The following ADAM22 variants were observed in gnomAD, a reference collection of about 807,000 sequenced individuals.
ADAM22 encodes the protein disintegrin and metalloproteinase domain-containing protein 22.
A neutral mutation model predicts 144.6 loss-of-function variants in ADAM22; 65 were observed. The observed-to-expected ratio is 0.45, with a 90% CI of 0.37 to 0.55. The LOEUF (loss-of-function observed/expected upper bound fraction) is 0.55, where lower values mean the gene tolerates loss of function less well. ADAM22 is among the 20% of genes least tolerant of loss of function. The probability of loss-of-function intolerance (pLI) is 0.00; values close to 1 mark genes in which losing one functional copy is unlikely to be tolerated. For missense variants in ADAM22, 974 were observed against 1,184.9 expected (o/e 0.82, Z 2.61); for synonymous variants, 391 against 412.6 (o/e 0.95, Z 0.63).
intron 2 of ADAM22, among the ~76,000 whole-genome samples, chr7:87,958,391 T>TA (rs1223727394): frequency 1.3e-5 from 2 of 151,982 alleles, no homozygotes; most frequent in Admixed American, 1.3e-4. Context: ...TTTTATTTTT[T>TA]ATTTTTTTTT....
At chr7:88,053,632 GAA>G (rs10542532) in intron 3 of ADAM22, among the ~76,000 whole-genome samples, 31,944 of 111,468 alleles carry the variant, frequency 0.29, 4,688 homozygotes, top group South Asian at 0.45. Context: ...AAGAAAGAAA[GAA>G]AGAAAGAAAG....
chr7:88,146,495 T>C (rs1836477786), intron 17 of ADAM22, among the ~76,000 whole-genome samples: 1 of 152,228 alleles, frequency 6.6e-6, no homozygotes, highest in Admixed American at 6.5e-5. Flanking sequence ...AGGGTATGTC[T>C]TGTGCATTGT....
chr7:88,116,706 G>C, intron 6 of ADAM22, 39 bp from the exon 7 acceptor site: 1 of 1,541,540 alleles, frequency 6.5e-7, no homozygotes, highest in Non-Finnish European at 9.0e-7. Flanking sequence ...AGATAATCCT[G>C]TTGTACATGC....
chr7:88,039,167 G>A (rs373391256), intron 3 of ADAM22, among the ~76,000 whole-genome samples: 2 of 151,812 alleles, frequency 1.3e-5, no homozygotes, highest in South Asian at 2.1e-4. Flanking sequence ...TTCATGGGCC[G>A]GGCATGGTGG....
intron 4 of ADAM22, among the ~76,000 whole-genome samples, chr7:88,091,098 G>A (rs1478638994): frequency 3.3e-5 from 5 of 152,074 alleles, no homozygotes; most frequent in Admixed American, 2.0e-4. Flanking sequence ...GTATATTGCT[G>A]TCCTGTAGAA....
chr7:88,062,893 A>C (rs2129477120), intron 3 of ADAM22, among the ~76,000 whole-genome samples: 1 of 152,330 alleles, frequency 6.6e-6, no homozygotes, highest in East Asian at 1.9e-4. Context: ...TCAGTTGAGC[A>C]GTGAGAACAC....
Position 88,165,814 on chromosome 7 carries a change from C to A in ADAM22, c.2077-18C>A. ...ACCAGAGAGTTGACATTTACTCTAGCTTGATTTTGGATCTCAGGTTTGCAG... is the reference window on the plus strand; with the variant it reads ...ACCAGAGAGTTGACATTTACTCTAGATTGATTTTGGATCTCAGGTTTGCAG... On this transcript the variant is annotated intron_variant, in intron 23 of 31. Transcript: ENST00000413139. 1 of 1,556,902 alleles carries A rather than the reference C, an allele frequency of 6.4e-7. No individual in the cohort carries two copies. The highest frequency in any genetic ancestry group is 1.8e-5 in the Admixed American group (1 of 55,454).
At chr7:88,032,776 C>A (rs1373362168) in intron 3 of ADAM22, among the ~76,000 whole-genome samples, 1 of 152,124 alleles carries the variant, frequency 6.6e-6, no homozygotes, top group African/African-American at 2.4e-5. Flanking sequence ...AACACCATCC[C>A]TTTAGGGCTG....
intron 14 of ADAM22, among the ~76,000 whole-genome samples, chr7:88,137,925 A>G (rs1001384350): frequency 6.6e-6 from 1 of 152,188 alleles, no homozygotes; most frequent in Non-Finnish European, 1.5e-5. Context: ...AGGCTGAGGC[A>G]GGCAGATCAC....
intron 3 of ADAM22, among the ~76,000 whole-genome samples, chr7:88,024,950 A>G (rs997635222): frequency 1.1e-4 from 17 of 152,126 alleles, no homozygotes; most frequent in Non-Finnish European, 2.1e-4. Context: ...CCAGTCTATC[A>G]TTGTTGGACA....
intron 18 of ADAM22, among the ~76,000 whole-genome samples, chr7:88,150,400 C>T (rs1447632757): frequency 6.6e-6 from 1 of 152,086 alleles, no homozygotes; most frequent in East Asian, 1.9e-4. Flanking sequence ...TTCAATATTG[C>T]CTTATAATTT....
chr7:88,000,820 T>G (rs895268141), intron 3 of ADAM22, among the ~76,000 whole-genome samples: 2 of 152,206 alleles, frequency 1.3e-5, no homozygotes, highest in Non-Finnish European at 2.9e-5. Context: ...TCAGCAGGAA[T>G]GAATACAATT....
intron 3 of ADAM22, among the ~76,000 whole-genome samples, chr7:88,068,268 C>A (rs987666086): frequency 6.6e-6 from 1 of 152,016 alleles, no homozygotes; most frequent in African/African-American, 2.4e-5. Flanking sequence ...TTTAAAAAAC[C>A]TTTCCAAGCT....
chr7:88,124,573 A>G (rs963986927), intron 7 of ADAM22, among the ~76,000 whole-genome samples: 7 of 151,280 alleles, frequency 4.6e-5, no homozygotes, highest in African/African-American at 1.7e-4. Context: ...TAGGCACAAC[A>G]TTTAGTCTAT....
intron 3 of ADAM22, among the ~76,000 whole-genome samples, chr7:88,020,028 A>G (rs866445834): frequency 2.0e-5 from 3 of 152,278 alleles, no homozygotes; most frequent in South Asian, 4.1e-4. Flanking sequence ...GGAGCTCACA[A>G]AAATAGTGAA....
At chr7:88,083,276 A>G (rs141222773) in intron 4 of ADAM22, among the ~76,000 whole-genome samples, 16,012 of 151,852 alleles carry the variant, frequency 0.11, 1,124 homozygotes, top group East Asian at 0.25. Flanking sequence ...CTCATAGGTG[A>G]GAATTGAACA....
intron 30 of ADAM22, among the ~76,000 whole-genome samples, chr7:88,188,569 A>C (rs1848869812): frequency 6.6e-6 from 1 of 152,214 alleles, no homozygotes; most frequent in Non-Finnish European, 1.5e-5. Context: ...TTATAATTTA[A>C]TTGACATTTT....
At chr7:87,974,162 G>T (rs906263811) in intron 2 of ADAM22, among the ~76,000 whole-genome samples, 4 of 151,106 alleles carry the variant, frequency 2.6e-5, no homozygotes, top group African/African-American at 9.7e-5. Context: ...AAATTAGCCA[G>T]CCGTGGTGGC....
chr7:87,938,938 C>T (rs974511787), intron 2 of ADAM22, among the ~76,000 whole-genome samples: 15 of 152,204 alleles, frequency 9.9e-5, no homozygotes, highest in Admixed American at 2.6e-4. Flanking sequence ...CGTGAACCAC[C>T]GCGGCTGGCC....
Sources: allele counts gnomAD v4.1 joint callset (sites outside exome capture counted in the v4.1 genomes callset), GRCh38; gene constraint gnomAD v4.1.1; transcripts MANE v1.5; gene names NCBI Gene and HGNC (gene_info 2026-07-23, HGNC 2026-07-21).